AKAP13: variants seen among roughly 807,000 people sequenced by gnomAD.
AKAP13 encodes the protein A-kinase anchor protein 13.
A neutral mutation model predicts 264.5 loss-of-function variants in AKAP13; 80 were observed. The observed-to-expected ratio is 0.30, with a 90% CI of 0.25 to 0.36. The LOEUF (loss-of-function observed/expected upper bound fraction) is 0.36, where lower values mean the gene tolerates loss of function less well. Ranked by LOEUF, AKAP13 falls within the 10% of genes least tolerant of loss-of-function variation. The probability of loss-of-function intolerance (pLI) is 1.00; values close to 1 mark genes in which losing one functional copy is unlikely to be tolerated. For synonymous variants in AKAP13, 1,380 were observed against 1,250.2 expected (o/e 1.10, Z -2.19); for missense variants, 3,712 against 3,435.2 (o/e 1.08, Z -2.01).
intron 8 of AKAP13, among the ~76,000 whole-genome samples, chr15:85,593,086 G>A (rs180871188): frequency 6.6e-6 from 1 of 152,102 alleles, no homozygotes; most frequent in Non-Finnish European, 1.5e-5. Context: ...GAGGCAGGTG[G>A]ATCACATGAG....
At chr15:85,437,384 C>G (rs558810166) in intron 1 of AKAP13, among the ~76,000 whole-genome samples, 103 of 152,314 alleles carry the variant, frequency 6.8e-4, no homozygotes, top group Non-Finnish European at 1.2e-3. Flanking sequence ...TGAATTCTAC[C>G]AGAGACACAA....
At chr15:85,393,674 C>A (rs188769657) in intron 1 of AKAP13, among the ~76,000 whole-genome samples, 205 of 152,278 alleles carry the variant, frequency 1.3e-3, no homozygotes, top group African/African-American at 4.9e-3. Context: ...AGATATTATT[C>A]TTTCTCCCTT....
Position 85,575,314 on chromosome 15 carries a change from C to A in AKAP13, c.846C>A (p.Ile282=). 6.2e-7 allele frequency: 1 copy of A among 1,614,118 alleles called. No individual in the cohort carries two copies. Among genetic ancestry groups the A allele is most frequent in the Non-Finnish European group, 8.5e-7 (1 of 1,179,972 alleles). ...GACCAATTTTTAAACTTATGAACAT[C>A]CAACAGCAACTAATGGTAAGTCAGA... ...CTGPIFKLMN[I]QQQLMKTNLK... The change falls in exon 6 of 37, where the codon ATC becomes ATA. Residue 282 remains isoleucine (I), a synonymous_variant. Transcript: ENST00000394518.
At chr15:85,559,298 T>C (rs565901820) in intron 5 of AKAP13, among the ~76,000 whole-genome samples, 2 of 152,136 alleles carry the variant, frequency 1.3e-5, no homozygotes, top group Non-Finnish European at 2.9e-5. Flanking sequence ...CTAGTTTGTG[T>C]ATAAATACAA....
At chr15:85,440,237 C>G (rs1161792803) in intron 1 of AKAP13, among the ~76,000 whole-genome samples, 1 of 152,132 alleles carries the variant, frequency 6.6e-6, no homozygotes, top group Non-Finnish European at 1.5e-5. Context: ...TTCTTTTGAC[C>G]ATGACTAGCA....
chr15:85,424,329 C>T (rs1421364398), intron 1 of AKAP13, among the ~76,000 whole-genome samples: 1 of 152,200 alleles, frequency 6.6e-6, no homozygotes, highest in Non-Finnish European at 1.5e-5. Context: ...CTTCCTGCAG[C>T]TTCTGTGTCA....
rs1481509716 is a variant in AKAP13, at chr15:85,718,534, T to A, written c.6001+375T>A. On this transcript the variant is annotated intron_variant, in intron 22 of 36. Transcript: ENST00000394518. This position sits in a 1 kb window ranked among gnomAD's most constrained non-coding sequence, Gnocchi z 4.9. ...AATCCAGTGAAGACCTCTTTGGAAG[T>A]CATAATTTAAGACTGATGGAATCCG... is the stretch of plus-strand genomic sequence containing the variant. 1.3e-5 allele frequency among the ~76,000 whole-genome samples: 2 copies of A among 152,080 alleles called. No homozygotes were observed. Among genetic ancestry groups the A allele is most frequent in the African/African-American group, 4.8e-5 (2 of 41,382 alleles).
chr15:85,397,367 T>C (rs1201386013), intron 1 of AKAP13, among the ~76,000 whole-genome samples: 3 of 152,210 alleles, frequency 2.0e-5, no homozygotes, highest in Admixed American at 2.0e-4. Flanking sequence ...CTAAAGATGA[T>C]CACTTTATTA....
chr15:85,703,481 A>T (rs2086044671), intron 17 of AKAP13, among the ~76,000 whole-genome samples: 1 of 152,220 alleles, frequency 6.6e-6, no homozygotes, highest in African/African-American at 2.4e-5. Flanking sequence ...TACCAAGAAC[A>T]TCTCACATGC....
chr15:85,716,538 G>C (rs778698808), intron 20 of AKAP13, among the ~76,000 whole-genome samples: 1 of 152,112 alleles, frequency 6.6e-6, no homozygotes, highest in African/African-American at 2.4e-5. Flanking sequence ...CCTTCCCGTC[G>C]GGTGAATAAG....
rs2089378325 is a variant in AKAP13, at chr15:85,746,695, C to T, written c.*2018C>T. On this transcript the variant is annotated 3_prime_UTR_variant, in exon 37 of 37. Transcript: ENST00000394518. Reference sequence around the variant, plus strand: ...TTCTTTCTTTCACCTATTTGTACAACTCCAAGTTACAGCTGAATCTGTCGT... The same window carrying T: ...TTCTTTCTTTCACCTATTTGTACAATTCCAAGTTACAGCTGAATCTGTCGT... The T allele has an allele frequency of 6.6e-6, 1 of 152,198 alleles. No homozygotes were observed. Among genetic ancestry groups the T allele is most frequent in the Non-Finnish European group, 1.5e-5 (1 of 68,044 alleles). The allele number at this position is 152,198 out of a possible 1,614,324, so 9.4% of individuals were successfully genotyped here. A position where few individuals can be genotyped will look rare whatever the true frequency, so the allele number is the denominator to read the frequency against.
intron 14 of AKAP13, among the ~76,000 whole-genome samples, chr15:85,670,334 A>G (rs2083853773): frequency 6.6e-6 from 1 of 151,842 alleles, no homozygotes; most frequent in Non-Finnish European, 1.5e-5. Context: ...TATATTTCCT[A>G]AAAACAAAGA....
At chr15:85,661,120 C>T (rs1322050116) in intron 12 of AKAP13, among the ~76,000 whole-genome samples, 1 of 152,114 alleles carries the variant, frequency 6.6e-6, no homozygotes, top group Non-Finnish European at 1.5e-5. Flanking sequence ...AACTTTATGG[C>T]CCAGGTAGCA....
intron 14 of AKAP13, among the ~76,000 whole-genome samples, chr15:85,674,256 G>A (rs1027831956): frequency 8.6e-5 from 13 of 152,016 alleles, no homozygotes; most frequent in African/African-American, 2.9e-4. Flanking sequence ...TGAAACGTTC[G>A]AGCACCAACA....
chr15:85,658,573 T>G lies in AKAP13; in HGVS notation c.4782T>G (p.Pro1594=), dbSNP rs763091080. 4 of 1,613,918 alleles carry G rather than the reference T, an allele frequency of 2.5e-6. No individual in the cohort carries two copies. Among genetic ancestry groups the G allele is most frequent in the Non-Finnish European group, 3.4e-6 (4 of 1,179,850 alleles). ...MRVLGDVVRR[P]PIHRRSFSLE... is the part of the protein sequence containing the mutation. ...TTCTTGGGGATGTTGTCAGGAGACC[T>G]CCCATTCATAGGAGAAGGTACAGAG... Residue 1594 remains proline, a synonymous_variant, in exon 12 of 37, where the codon CCT becomes CCG. Transcript: ENST00000394518.
At chr15:85,561,813 C>G (rs75039806) in intron 5 of AKAP13, among the ~76,000 whole-genome samples, 1 of 151,902 alleles carries the variant, frequency 6.6e-6, no homozygotes, top group Non-Finnish European at 1.5e-5. Context: ...GAAAAATGAC[C>G]ATAGACGCCA....
At chr15:85,630,096 C>T (rs951834019) in intron 8 of AKAP13, among the ~76,000 whole-genome samples, 4 of 151,456 alleles carry the variant, frequency 2.6e-5, no homozygotes, top group Non-Finnish European at 4.4e-5. Flanking sequence ...CTCTAATCTC[C>T]CGAGTTCTCT....
chr15:85,710,320 C>A (rs967739797), intron 18 of AKAP13: 1 of 330,368 alleles, frequency 3.0e-6, no homozygotes, highest in Admixed American at 4.6e-5. Context: ...ACCCTTAAAT[C>A]GTCTTAAAGG....
Position 85,711,010 on chromosome 15 carries a change from C to CT in AKAP13, c.5599+377dup, listed in dbSNP as rs34143380. 4.6e-4 allele frequency among the ~76,000 whole-genome samples: 69 copies of CT among 149,116 alleles called. No homozygotes were observed. In the South Asian group the frequency reaches 5.3e-3, roughly 12 times the overall value. On this transcript the variant is annotated intron_variant, in intron 19 of 36. Transcript: ENST00000394518. ...ATCAAATGAGATCTGGCTTGTTAAACTTTTTTTTTTTTATTATTTTTTTGA... is the reference window on the plus strand; with the variant it reads ...ATCAAATGAGATCTGGCTTGTTAAACTTTTTTTTTTTTTATTATTTTTTTGA...
Sources: gnomAD v4.1 joint callset for allele counts (sites outside exome capture counted in the v4.1 genomes callset) on GRCh38, gnomAD v4.1.1 for gene constraint, Gnocchi (gnomAD v3.1) non-coding constraint, MANE v1.5 for transcripts, NCBI Gene and HGNC (gene_info 2026-07-23, HGNC 2026-07-21) for gene names.